Variants in FAM133B observed in about 807,000 individuals in gnomAD.
FAM133B encodes protein FAM133B.
FAM133B carries 25 observed loss-of-function variants against 46.4 expected under a neutral mutation model. The observed-to-expected ratio is 0.54, with a 90% CI of 0.39 to 0.75. FAM133B has a LOEUF of 0.75. Among genes scored for constraint, FAM133B ranks in the 30% least tolerant of loss-of-function variants. The probability of loss-of-function intolerance (pLI) is 0.00; values close to 1 mark genes in which losing one functional copy is unlikely to be tolerated. For missense variants in FAM133B, 205 were observed against 277.6 expected (o/e 0.74, Z 1.86); for synonymous variants, 75 against 86.0 (o/e 0.87, Z 0.71).
At chr7:92,580,114 C>A (rs1355510822) in intron 2 of FAM133B, among the ~76,000 whole-genome samples, 1 of 152,048 alleles carries the variant, frequency 6.6e-6, no homozygotes, top group Non-Finnish European at 1.5e-5. Context: ...TGCTCTGTCA[C>A]CCAAGCTAGA....
intron 8 of FAM133B, 135 bp from the exon 9 acceptor site, chr7:92,570,050 TTTA>T: frequency 4.9e-6 from 2 of 405,556 alleles, no homozygotes; most frequent in Non-Finnish European, 8.9e-6. Context: ...AAGTGTAACA[TTTA>T]CCAGGATTTA....
chr7:92,580,699 T>TC (rs1794842086), intron 2 of FAM133B, among the ~76,000 whole-genome samples: 1 of 152,188 alleles, frequency 6.6e-6, no homozygotes, highest in African/African-American at 2.4e-5. Flanking sequence ...CTCCAGTGAG[T>TC]CCCTACGAGT....
intron 9 of FAM133B, among the ~76,000 whole-genome samples, chr7:92,567,850 G>A: frequency 6.7e-6 from 1 of 149,886 alleles, no homozygotes; most frequent in East Asian, 2.0e-4. Flanking sequence ...TGCAGCCTCT[G>A]CCTTTCCGGT....
At chr7:92,567,884 C>T (rs1317871089) in intron 9 of FAM133B, among the ~76,000 whole-genome samples, 1 of 151,950 alleles carries the variant, frequency 6.6e-6, no homozygotes, top group African/African-American at 2.4e-5. Context: ...CTGCCTCAGC[C>T]TCCTGAGTAG....
Position 92,577,694 on chromosome 7 carries a change from G to A in FAM133B, c.333C>T (p.Ser111=). The part of the protein sequence containing the change: ...SGRYSSSSSS[S]SDSSSSSSDS... ...CAGAAGAACTGCTGGAAGAATCAGA[G>A]CTTGATGAAGAAGAAGATGAATACT... is the stretch of plus-strand genomic sequence containing the variant. The change falls in exon 6 of 11, where the codon AGC becomes AGT. Residue 111 remains serine, a synonymous_variant. Coordinates refer to ENST00000445716, the MANE Select transcript of FAM133B (RefSeq NM_152789.4). 2.5e-6 allele frequency: 4 copies of A among 1,584,168 alleles called. No homozygotes were observed. Among genetic ancestry groups the A allele is most frequent in the East Asian group, 2.3e-5 (1 of 43,990 alleles).
chr7:92,585,378 G>A, intron 1 of FAM133B: 1 of 984,660 alleles, frequency 1.0e-6, no homozygotes, highest in Non-Finnish European at 1.2e-6. Context: ...TTGGTATCAT[G>A]TCATAATTTT....
chr7:92,573,720 T>C (rs1340797743), intron 8 of FAM133B, among the ~76,000 whole-genome samples: 1 of 152,038 alleles, frequency 6.6e-6, no homozygotes, highest in Non-Finnish European at 1.5e-5. Context: ...AAATCAGGAA[T>C]TAATGCTGAA....
At chr7:92,575,426 C>T (rs111563101) in intron 8 of FAM133B, among the ~76,000 whole-genome samples, 19,716 of 151,914 alleles carry the variant, frequency 0.13, 1,342 homozygotes, top group African/African-American at 0.16. Context: ...TGAGCTGAAA[C>T]GGCACCACTG....
At chr7:92,582,233 A>G (rs955723881) in intron 1 of FAM133B, among the ~76,000 whole-genome samples, 2 of 151,016 alleles carry the variant, frequency 1.3e-5, no homozygotes, top group Non-Finnish European at 3.0e-5. Flanking sequence ...TGGGCGACAG[A>G]GCGACTCCCT....
At chr7:92,578,726 T>C (rs559028298) in intron 3 of FAM133B, among the ~76,000 whole-genome samples, 2 of 152,364 alleles carry the variant, frequency 1.3e-5, no homozygotes, top group Admixed American at 6.5e-5. Flanking sequence ...CTGTGATTGA[T>C]ATGTTATATA....
At chr7:92,586,248 C>T (rs1795034285) in intron 1 of FAM133B, among the ~76,000 whole-genome samples, 1 of 152,208 alleles carries the variant, frequency 6.6e-6, no homozygotes, top group Non-Finnish European at 1.5e-5. Flanking sequence ...CAAATATCTC[C>T]ATTGTTTATT....
intron 2 of FAM133B, among the ~76,000 whole-genome samples, chr7:92,580,875 C>A (rs1794846856): frequency 6.6e-6 from 1 of 152,240 alleles, no homozygotes; most frequent in African/African-American, 2.4e-5. Flanking sequence ...TTCACACACA[C>A]TGGTAAACAA....
chr7:92,589,249 T>G (rs1795121378), intron 1 of FAM133B, among the ~76,000 whole-genome samples: 1 of 152,240 alleles, frequency 6.6e-6, no homozygotes, highest in African/African-American at 2.4e-5. Flanking sequence ...TTTCATTATG[T>G]TTACTACTCA....
chr7:92,587,395 T>C (rs992105929), intron 1 of FAM133B, among the ~76,000 whole-genome samples: 3 of 151,930 alleles, frequency 2.0e-5, no homozygotes, highest in African/African-American at 4.8e-5. Context: ...ACAGGGGTGG[T>C]AGAGGAATGG....
rs1345131717 is a variant in FAM133B at position 92,562,146 on chromosome 7, G to C, written c.*136C>G. On this transcript the variant is annotated 3_prime_UTR_variant, in exon 11 of 11. Transcript: ENST00000445716. The stretch of plus-strand genomic sequence containing the variant: ...CCCTTTCACACAGTGGCATCTGAGT[G>C]GCTACTGAATAGTCCAGGAATAATT... The C allele has an allele frequency of 2.6e-5, 26 of 1,003,790 alleles. No individual in the cohort carries two copies. Among genetic ancestry groups the C allele is most frequent in the Non-Finnish European group, 3.5e-5 (25 of 720,692 alleles). The allele number at this position is 1,003,790 out of a possible 1,614,324, so 62.2% of individuals were successfully genotyped here. A position where few individuals can be genotyped will look rare whatever the true frequency, so the allele number is the denominator to read the frequency against.
rs531097394 is a variant in FAM133B, at chr7:92,580,123, G to C, written c.123-728C>G. Among the ~76,000 whole-genome samples the C allele has an allele frequency of 1.3e-4, 19 of 151,904 alleles. No individual in the cohort carries two copies. In the East Asian group the frequency reaches 3.7e-3, roughly 29 times the overall value. On this transcript the variant is annotated intron_variant, in intron 2 of 10. Transcript: ENST00000445716. ...AGGCCTTGCTCTGTCACCCAAGCTA[G>C]AATGTAGTGGCATGATCATAGTTCA... is the stretch of plus-strand genomic sequence containing the variant.
intron 8 of FAM133B, among the ~76,000 whole-genome samples, chr7:92,571,128 G>A (rs1412742822): frequency 6.6e-6 from 1 of 152,172 alleles, no homozygotes; most frequent in African/African-American, 2.4e-5. Context: ...GTATGTGAGT[G>A]CAAACTCTTT....
chr7:92,579,224 C>T, intron 3 of FAM133B, 93 bp downstream of exon 3: 1 of 1,076,186 alleles, frequency 9.3e-7, no homozygotes, highest in African/African-American at 1.6e-5. Context: ...TCCTGGCCTC[C>T]CGTTTCGGCC....
chr7:92,590,024 C>CGCCA, intron 1 of FAM133B: 2 of 595,772 alleles, frequency 3.4e-6, no homozygotes, highest in Non-Finnish European at 5.9e-6. Context: ...AAACCAGCAG[C>CGCCA]GCCAGAAAGA....
Sources: gnomAD v4.1 joint callset for allele counts (sites outside exome capture counted in the v4.1 genomes callset) on GRCh38, gnomAD v4.1.1 for gene constraint, MANE v1.5 for transcripts, NCBI Gene and HGNC (gene_info 2026-07-23, HGNC 2026-07-21) for gene names.